CAST: variants seen among roughly 807,000 people sequenced by gnomAD.
CAST encodes MIR583 host.
In CAST, 76 loss-of-function variants were observed where a neutral mutation model predicts 119.6. The observed-to-expected ratio is 0.64, with a 90% confidence interval of 0.53 to 0.77. The LOEUF is 0.77. Among genes scored for constraint, CAST ranks in the 30% least tolerant of loss-of-function variants. The probability of loss-of-function intolerance (pLI) is 0.00; values close to 1 mark genes in which losing one functional copy is unlikely to be tolerated. For missense variants in CAST, 953 were observed against 946.5 expected (o/e 1.01, Z -0.09); for synonymous variants, 319 against 331.6 (o/e 0.96, Z 0.41).
Position 96,740,074 on chromosome 5 carries a change from A to C in CAST, c.835A>C (p.Lys279Gln). 3.2e-6 allele frequency: 5 copies of C among 1,582,788 alleles called. No individual in the cohort carries two copies. Among genetic ancestry groups the C allele is most frequent in the Non-Finnish European group, 4.3e-6 (5 of 1,157,256 alleles). Reference protein sequence around the residue: ...MSSTYIEELGKREVTIPPKYR... With the variant: ...MSSTYIEELGQREVTIPPKYR... ...TTCCACCTACATAGAGGAATTGGGT[A>C]AAAGAGAAGTCACAATTCCTCCAAA... The change falls in exon 12 of 32, where the codon AAA (lysine) becomes CAA (glutamine). Residue 279 changes from lysine (K) to glutamine (Q), a missense_variant. Coordinates refer to ENST00000675179, the MANE Select transcript of CAST (RefSeq NM_001750.7).
At chr5:96,770,642 GT>G (rs1460833848) in intron 30 of CAST, 40 bp downstream of exon 30, 1 of 1,269,910 alleles carries the variant, frequency 7.9e-7, no homozygotes, top group African/African-American at 1.5e-5. Flanking sequence ...TAGTTTAGCA[GT>G]TACACAGAGT....
intron 1 of CAST, among the ~76,000 whole-genome samples, chr5:96,640,582 C>A (rs1747937793): frequency 6.6e-6 from 1 of 152,090 alleles, no homozygotes; most frequent in Non-Finnish European, 1.5e-5. Flanking sequence ...TCCACAAGAG[C>A]CCTTGGGATC....
chr5:96,246,233 A>G, the CAST span, among the ~76,000 whole-genome samples: 3 of 110,166 alleles, frequency 2.7e-5, no homozygotes, highest in Admixed American at 3.0e-4. Context: ...CCCAGGCTGG[A>G]GTGCAGTGGC....
the CAST span, among the ~76,000 whole-genome samples, chr5:96,050,849 C>T: frequency 1.4e-4 from 22 of 152,142 alleles, no homozygotes; most frequent in Admixed American, 9.8e-4. Flanking sequence ...TGCGGAGGAG[C>T]GGGCTCGGAA....
At chr5:96,581,847 C>T (rs1445118250) in intron 1 of CAST, among the ~76,000 whole-genome samples, 2 of 151,936 alleles carry the variant, frequency 1.3e-5, no homozygotes, top group East Asian at 3.9e-4. Context: ...GCCGAGACTG[C>T]GCCACTCCAC....
chr5:96,238,703 A>AT, the CAST span, among the ~76,000 whole-genome samples: 1 of 151,898 alleles, frequency 6.6e-6, no homozygotes, highest in Non-Finnish European at 1.5e-5. Flanking sequence ...CCCAGCCTAT[A>AT]TCTTCATTTT....
chr5:96,336,695 G>A, the CAST span, among the ~76,000 whole-genome samples: 3 of 152,172 alleles, frequency 2.0e-5, no homozygotes, highest in East Asian at 5.8e-4. Context: ...TCCCCAAAAT[G>A]CTTTTCCAGA....
chr5:96,028,847 A>G, the CAST span, among the ~76,000 whole-genome samples: 1 of 152,142 alleles, frequency 6.6e-6, no homozygotes, highest in South Asian at 2.1e-4. Flanking sequence ...AATTAAAAAA[A>G]AACTTCAATT....
intron 1 of CAST, among the ~76,000 whole-genome samples, chr5:96,565,268 T>C (rs1037090862): frequency 1.3e-5 from 2 of 152,090 alleles, no homozygotes; most frequent in African/African-American, 4.8e-5. Flanking sequence ...GGATTTTAAA[T>C]GATATGATAA....
intron 1 of CAST, among the ~76,000 whole-genome samples, chr5:96,672,182 A>C (rs751723150): frequency 6.6e-6 from 1 of 152,082 alleles, no homozygotes; most frequent in Admixed American, 6.5e-5. Flanking sequence ...TTTACTTTCC[A>C]TTACAGGTAT....
At chr5:96,470,648 T>C in the CAST span, among the ~76,000 whole-genome samples, 8 of 152,112 alleles carry the variant, frequency 5.3e-5, no homozygotes, top group African/African-American at 1.9e-4. Flanking sequence ...ATTTTAGGAA[T>C]GGCATATGTG....
chr5:96,663,332 G>C (rs1318040660), intron 1 of CAST, among the ~76,000 whole-genome samples: 1 of 152,230 alleles, frequency 6.6e-6, no homozygotes. Context: ...GGTTAGGCTC[G>C]GGGAGAGGCA....
the CAST span, among the ~76,000 whole-genome samples, chr5:96,123,698 G>C: frequency 6.6e-6 from 1 of 152,134 alleles, no homozygotes; most frequent in Non-Finnish European, 1.5e-5. Context: ...TTGCAAAATA[G>C]TTTTAACAGT....
At chr5:96,166,770 T>G in the CAST span, among the ~76,000 whole-genome samples, 2 of 152,176 alleles carry the variant, frequency 1.3e-5, no homozygotes, top group Non-Finnish European at 2.9e-5. Flanking sequence ...TCCTCACTCA[T>G]GAATTCAGAT....
chr5:96,108,273 G>T, the CAST span, among the ~76,000 whole-genome samples: 5 of 152,356 alleles, frequency 3.3e-5, no homozygotes, highest in Non-Finnish European at 7.3e-5. Context: ...GTGAGGAACT[G>T]CGTTCCTTTG....
the CAST span, among the ~76,000 whole-genome samples, chr5:96,390,006 GC>G: frequency 6.6e-6 from 1 of 152,164 alleles, no homozygotes; most frequent in Non-Finnish European, 1.5e-5. Flanking sequence ...ACACTTAGCT[GC>G]TTTACTCTAG....
At chr5:96,037,913 G>T in the CAST span, among the ~76,000 whole-genome samples, 20 of 152,128 alleles carry the variant, frequency 1.3e-4, no homozygotes, top group African/African-American at 3.9e-4. Context: ...AGAGCCAGAG[G>T]TTGGTATCTT....
At chr5:96,211,256 A>G in the CAST span, among the ~76,000 whole-genome samples, 3 of 152,124 alleles carry the variant, frequency 2.0e-5, no homozygotes, top group South Asian at 6.2e-4. Context: ...TCTTTGAGGG[A>G]AAGCGTTAAA....
intron 3 of CAST, among the ~76,000 whole-genome samples, chr5:96,699,492 TCTC>T (rs1392868414): frequency 6.6e-6 from 1 of 152,168 alleles, no homozygotes; most frequent in African/African-American, 2.4e-5. Context: ...TATGAGGCTT[TCTC>T]CTGCTGCCAC....
Sources: gnomAD v4.1 joint callset for allele counts (sites outside exome capture counted in the v4.1 genomes callset) on GRCh38, gnomAD v4.1.1 for gene constraint, MANE v1.5 for transcripts, NCBI Gene and HGNC (gene_info 2026-07-23, HGNC 2026-07-21) for gene names.